Variants in RAB1A observed in about 807,000 individuals in gnomAD.
The protein encoded by RAB1A is ras-related protein Rab-1A.
A neutral mutation model predicts 26.0 loss-of-function variants in RAB1A; 2 were observed. The observed-to-expected ratio is 0.08, with a 90% CI of 0.03 to 0.24. The LOEUF (loss-of-function observed/expected upper bound fraction) is 0.24. RAB1A is among the 10% of genes least tolerant of loss of function. RAB1A has a pLI of 1.00. For missense variants in RAB1A, 100 were observed against 247.0 expected (o/e 0.40, Z 3.99); for synonymous variants, 84 against 84.9 (o/e 0.99, Z 0.06).
At chr2:65,089,322 CCCGCCT>C (rs1207191656) in intron 4 of RAB1A, among the ~76,000 whole-genome samples, 1 of 152,130 alleles carries the variant, frequency 6.6e-6, no homozygotes, top group Non-Finnish European at 1.5e-5. Flanking sequence ...AAGCCATCCT[CCCGCCT>C]CCGCCTCCGG....
chr2:65,098,722 T>C (rs1401033491), intron 2 of RAB1A, among the ~76,000 whole-genome samples: 2 of 152,264 alleles, frequency 1.3e-5, no homozygotes, highest in East Asian at 1.9e-4. Flanking sequence ...ATTTGCCAAT[T>C]TTGGACATTT....
rs546937502 is a variant in RAB1A, at chr2:65,087,560, A to G, written c.*933T>C. 1.3e-4 allele frequency: 20 copies of G among 152,738 alleles called. No homozygotes were observed. In the East Asian group the frequency reaches 3.9e-3, roughly 29 times the overall value. 9.5% of individuals were successfully genotyped at this position (152,738 alleles called of 1,614,324 possible). A position where few individuals can be genotyped will look rare whatever the true frequency, so the allele number is the denominator to read the frequency against. ...TGCATTTATGAAATGTTGATCAATGAAGCTATTTCAAATGGTTTTAGAGAA... is the reference window on the plus strand; with the variant it reads ...TGCATTTATGAAATGTTGATCAATGGAGCTATTTCAAATGGTTTTAGAGAA... On this transcript the variant is annotated 3_prime_UTR_variant, in exon 6 of 6. Coordinates refer to ENST00000409784, the MANE Select transcript of RAB1A (RefSeq NM_004161.5).
intron 1 of RAB1A, among the ~76,000 whole-genome samples, chr2:65,122,158 A>T (rs1187992102): frequency 8.1e-4 from 6 of 7,426 alleles, no homozygotes; most frequent in African/African-American, 2.1e-3. Flanking sequence ...TCTATCTCAA[A>T]AAAAAAAAAA....
chr2:65,117,101 T>A (rs12467928), intron 1 of RAB1A, among the ~76,000 whole-genome samples: 4 of 143,600 alleles, frequency 2.8e-5, no homozygotes, highest in Non-Finnish European at 6.1e-5. Flanking sequence ...GGTCTTGCTA[T>A]GTCACCCAGG....
intron 1 of RAB1A, among the ~76,000 whole-genome samples, chr2:65,116,563 T>G (rs1266671721): frequency 1.3e-5 from 2 of 152,238 alleles, no homozygotes; most frequent in Non-Finnish European, 1.5e-5. Flanking sequence ...ACATACTGTC[T>G]GGCACATACA....
At chr2:65,095,316 G>C (rs529934538) in intron 3 of RAB1A, among the ~76,000 whole-genome samples, 1 of 150,808 alleles carries the variant, frequency 6.6e-6, no homozygotes, top group African/African-American at 2.4e-5. Flanking sequence ...GACTATAAGC[G>C]TGAACCACGA....
At chr2:65,103,802 G>C (rs904119881) in intron 2 of RAB1A, among the ~76,000 whole-genome samples, 3 of 150,284 alleles carry the variant, frequency 2.0e-5, no homozygotes, top group African/African-American at 7.4e-5. Context: ...TTTTTTTTGA[G>C]ACAGTCTTGC....
At chr2:65,108,191 G>A (rs540086404) in intron 1 of RAB1A, among the ~76,000 whole-genome samples, 29 of 151,472 alleles carry the variant, frequency 1.9e-4, no homozygotes, top group African/African-American at 3.1e-4. Context: ...ATGAAACCCC[G>A]CCTCTACTAA....
chr2:65,110,355 C>T (rs189938318), intron 1 of RAB1A, among the ~76,000 whole-genome samples: 105 of 150,708 alleles, frequency 7.0e-4, no homozygotes, highest in Non-Finnish European at 9.7e-4. Context: ...GCAGGAGAAT[C>T]GCTTGAACCC....
intron 1 of RAB1A, among the ~76,000 whole-genome samples, chr2:65,106,584 T>C (rs1437826587): frequency 6.7e-6 from 1 of 149,300 alleles, no homozygotes; most frequent in Admixed American, 6.8e-5. Flanking sequence ...TAATTATATA[T>C]GAGGAAAATA....
chr2:65,120,716 T>G lies in RAB1A; in HGVS notation c.23+9177A>C, dbSNP rs912609959. Among the ~76,000 whole-genome samples, 4 of 152,110 alleles carry G rather than the reference T, an allele frequency of 2.6e-5. No homozygotes were observed. In the East Asian group the frequency reaches 7.7e-4, roughly 29 times the overall value. On this transcript the variant is annotated intron_variant, in intron 1 of 5. Transcript: ENST00000409784. ...GCAGATGCATCAAATGTAACGTGAG[T>G]ATGGCTACACGACCATAAATGGGTT...
intron 1 of RAB1A, among the ~76,000 whole-genome samples, chr2:65,110,928 C>G (rs115610183): frequency 0.018 from 2,729 of 151,280 alleles, 89 homozygotes; most frequent in African/African-American, 0.062. Flanking sequence ...AGAGTGAGAT[C>G]CCATCTCTTA....
intron 2 of RAB1A, among the ~76,000 whole-genome samples, chr2:65,103,256 C>T (rs981237745): frequency 1.3e-4 from 18 of 136,152 alleles, no homozygotes; most frequent in African/African-American, 3.7e-4. Flanking sequence ...GGGAGCCAGA[C>T]GCCACTGCAC....
intron 1 of RAB1A, among the ~76,000 whole-genome samples, chr2:65,116,531 T>C (rs1331969888): frequency 6.6e-6 from 1 of 152,172 alleles, no homozygotes; most frequent in Non-Finnish European, 1.5e-5. Flanking sequence ...GGATTACAAA[T>C]CACGTTTCTG....
chr2:65,091,150 G>A (rs1185025833), intron 3 of RAB1A, 72 bp from the exon 4 acceptor site: 1 of 1,189,444 alleles, frequency 8.4e-7, no homozygotes, highest in Non-Finnish European at 1.2e-6. Context: ...AGGAGGGAGG[G>A]GAAATAGTTT....
At chr2:65,118,475 T>G (rs553564292) in intron 1 of RAB1A, among the ~76,000 whole-genome samples, 1 of 152,064 alleles carries the variant, frequency 6.6e-6, no homozygotes, top group African/African-American at 2.4e-5. Flanking sequence ...TTTCCTTTTT[T>G]GTTTGTTTGT....
At chr2:65,096,471 C>T (rs953703449) in intron 3 of RAB1A, among the ~76,000 whole-genome samples, 4 of 152,176 alleles carry the variant, frequency 2.6e-5, no homozygotes, top group Non-Finnish European at 5.9e-5. Context: ...GAATGTTTCA[C>T]ACACGAATAC....
intron 1 of RAB1A, among the ~76,000 whole-genome samples, chr2:65,127,546 G>A (rs1471283256): frequency 6.6e-6 from 1 of 152,146 alleles, no homozygotes; most frequent in Non-Finnish European, 1.5e-5. Context: ...GACCAACATG[G>A]AGAAACCCCG....
At chr2:65,127,991 C>T (rs917863288) in intron 1 of RAB1A, among the ~76,000 whole-genome samples, 1 of 152,128 alleles carries the variant, frequency 6.6e-6, no homozygotes, top group African/African-American at 2.4e-5. Flanking sequence ...GCCTCGGCCT[C>T]CCAAAGTGCT....
Sources: allele counts gnomAD v4.1 joint callset (sites outside exome capture counted in the v4.1 genomes callset), GRCh38; gene constraint gnomAD v4.1.1; transcripts MANE v1.5; gene names NCBI Gene and HGNC (gene_info 2026-07-23, HGNC 2026-07-21).